The following ACOX2 variants were observed in gnomAD, a reference collection of about 807,000 sequenced individuals.
The protein encoded by ACOX2 is peroxisomal acyl-coenzyme A oxidase 2.
ACOX2 carries 59 observed loss-of-function variants against 77.5 expected under a neutral mutation model. The ratio of observed to expected loss-of-function variants is 0.76; its 90% CI spans 0.62 to 0.95. ACOX2 has a LOEUF of 0.95. Ranked by LOEUF, ACOX2 falls within the 40% of genes least tolerant of loss-of-function variation. The pLI is 0.00. For missense variants in ACOX2, 837 were observed against 880.4 expected (o/e 0.95, Z 0.62); for synonymous variants, 317 against 340.1 (o/e 0.93, Z 0.75).
Position 58,533,957 on chromosome 3 carries a change from C to T in ACOX2, c.475+37G>A. The T allele has an allele frequency of 6.2e-7, 1 of 1,611,508 alleles. No homozygotes were observed. Among genetic ancestry groups the T allele is most frequent in the Non-Finnish European group, 8.5e-7 (1 of 1,178,488 alleles). On this transcript the variant is annotated intron_variant, in intron 4 of 14. Coordinates refer to ENST00000302819, the MANE Select transcript of ACOX2 (RefSeq NM_003500.4). This position sits in a 1 kb window ranked among gnomAD's most constrained non-coding sequence, Gnocchi z 5.6. ...ATGGGCCCTCTGGAGTTTTGCAGTGCACAACCTAAACACCACACGCAGCAG... is the reference window on the plus strand; with the variant it reads ...ATGGGCCCTCTGGAGTTTTGCAGTGTACAACCTAAACACCACACGCAGCAG...
intron 5 of ACOX2, among the ~76,000 whole-genome samples, chr3:58,532,465 A>G (rs1408259497): frequency 6.6e-6 from 1 of 151,520 alleles, no homozygotes; most frequent in African/African-American, 2.4e-5. Flanking sequence ...GGCTCATTGC[A>G]GCCTCTGCCT....
chr3:58,524,693 T>C lies in ACOX2; in HGVS notation c.1347-88A>G, dbSNP rs2063382649. ...TCACTCCCAGAGACAGGCAAGCTCA[T>C]GCTAGGTTCCAGCCTTCCCGTGGGA... On this transcript the variant is annotated intron_variant, in intron 10 of 14. Coordinates refer to ENST00000302819, the MANE Select transcript of ACOX2 (RefSeq NM_003500.4). This position sits in a 1 kb window ranked among gnomAD's most constrained non-coding sequence, Gnocchi z 5.5. 7.1e-7 allele frequency: 1 copy of C among 1,404,176 alleles called. No homozygotes were observed. Among genetic ancestry groups the C allele is most frequent in the African/African-American group, 1.4e-5 (1 of 70,804 alleles). The allele number at this position is 1,404,176 out of a possible 1,614,324, so 87.0% of individuals were successfully genotyped here.
rs1400634979 is a variant in ACOX2, at chr3:58,526,599, C to T, written c.1213G>A (p.Ala405Thr). The change falls in exon 10 of 15, where the codon GCT (alanine) becomes ACT (threonine). Residue 405 changes from alanine (A) to threonine (T), a missense_variant. Ala to Thr is a moderately conservative substitution (Grantham distance 58). Coordinates refer to ENST00000302819, the MANE Select transcript of ACOX2 (RefSeq NM_003500.4). This position sits in a 1 kb window ranked among gnomAD's most constrained non-coding sequence, Gnocchi z 4.3. Reference protein sequence around the residue: ...AMMSEFCTQGAEMCRRACGGH... With the variant: ...AMMSEFCTQGTEMCRRACGGH... ...CCACAGGCCCTGCGGCACATCTCAG[C>T]TCCCTGGGTGCAGAATTCTGACATC... is the stretch of plus-strand genomic sequence containing the variant. The T allele has an allele frequency of 6.2e-7, 1 of 1,614,218 alleles. No individual in the cohort carries two copies. Among genetic ancestry groups the T allele is most frequent in the East Asian group, 2.2e-5 (1 of 44,882 alleles).
At chr3:58,509,882 A>G (rs1323390627) in intron 13 of ACOX2, among the ~76,000 whole-genome samples, 1 of 152,100 alleles carries the variant, frequency 6.6e-6, no homozygotes, top group East Asian at 1.9e-4. Context: ...CTGAGATTAC[A>G]AGCATGAGCC....
Position 58,508,914 on chromosome 3 carries a change from C to T in ACOX2, c.1962G>A (p.Gln654=), listed in dbSNP as rs760077878. 2.5e-6 allele frequency: 4 copies of T among 1,614,084 alleles called. No individual in the cohort carries two copies. The highest frequency in any genetic ancestry group is 1.3e-5 in the African/African-American group (1 of 74,934). Residue 654 remains glutamine, a synonymous_variant, in exon 14 of 15, where the codon CAG becomes CAA. Transcript: ENST00000302819. ...CTACCTGAGTATTGGTTGGTGACTT[C>T]TGAGCCCACTGGAACAGGCGTTCGT... is the stretch of plus-strand genomic sequence containing the variant. ...NVYERLFQWA[Q]KSPTNTQENP...
rs1040860102 is a variant in ACOX2 at position 58,534,302 on chromosome 3, G to C, written c.323+58C>G. On this transcript the variant is annotated intron_variant, in intron 3 of 14. Transcript: ENST00000302819. This position sits in a 1 kb window ranked among gnomAD's most constrained non-coding sequence, Gnocchi z 4.8. ...GGGAAATGGCTCATGGGGCTAGGGG[G>C]TTTCCAGGTGATCCCAGGTAGATCC... is the stretch of plus-strand genomic sequence containing the variant. The C allele has an allele frequency of 1.9e-6, 3 of 1,603,202 alleles. No homozygotes were observed. The highest frequency in any genetic ancestry group is 8.5e-7 in the Non-Finnish European group (1 of 1,174,716).
In ACOX2 at chr3:58,524,248, G is replaced by C. The variant is rs2063378637; in HGVS notation, c.1526+178C>G. ...GAAGTGACGGGGGTCCATGGCTGAT[G>C]GGGGGGACATCCCCTCTCTCTGCCC... On this transcript the variant is annotated intron_variant, in intron 11 of 14. Coordinates refer to ENST00000302819, the MANE Select transcript of ACOX2 (RefSeq NM_003500.4). The surrounding 1 kb of genome is among the most constrained non-coding windows in gnomAD (Gnocchi z 5.5). Among the ~76,000 whole-genome samples, 3 of 152,198 alleles carry C rather than the reference G, an allele frequency of 2.0e-5. No homozygotes were observed. The highest frequency in any genetic ancestry group is 7.2e-5 in the African/African-American group (3 of 41,450).
chr3:58,517,421 C>A lies in ACOX2; in HGVS notation c.1635G>T (p.Val545=), dbSNP rs754110680. The A allele has an allele frequency of 3.3e-5, 53 of 1,613,392 alleles. No individual in the cohort carries two copies. Among genetic ancestry groups the A allele is most frequent in the Non-Finnish European group, 4.4e-5 (52 of 1,179,490 alleles). Residue 545 remains valine (V), a splice_region_variant and synonymous_variant, in exon 13 of 15, where the codon GTG becomes GTT. Transcript: ENST00000302819. ...CCTTCACAGTGACATAGTAGCAGTG[C>A]ACCTACAAAGACACAAAGATATGTT... ...TTVIHLQAAK[V]HCYYVTVKGF...
chr3:58,529,108 A>G, intron 8 of ACOX2, 152 bp from the exon 9 acceptor site: 1 of 709,000 alleles, frequency 1.4e-6, no homozygotes, highest in Non-Finnish European at 2.1e-6. Context: ...TCCTTTAAAA[A>G]TCCCATCTAA....
intron 5 of ACOX2, among the ~76,000 whole-genome samples, chr3:58,532,634 C>T (rs1366628108): frequency 6.6e-6 from 1 of 152,106 alleles, no homozygotes; most frequent in East Asian, 1.9e-4. Flanking sequence ...ATCCACTCAC[C>T]TCGGCATCCC....
intron 14 of ACOX2, among the ~76,000 whole-genome samples, chr3:58,508,230 T>A (rs2063248640): frequency 6.6e-6 from 1 of 152,228 alleles, no homozygotes; most frequent in Non-Finnish European, 1.5e-5. Flanking sequence ...TGGGACCTTA[T>A]GAGTCCTCCC....
chr3:58,514,647 A>G lies in ACOX2; in HGVS notation c.1850+2559T>C, dbSNP rs1435921377. Among the ~76,000 whole-genome samples the G allele has an allele frequency of 1.3e-5, 2 of 152,180 alleles. No homozygotes were observed. Among genetic ancestry groups the G allele is most frequent in the Admixed American group, 6.5e-5 (1 of 15,286 alleles). On this transcript the variant is annotated intron_variant, in intron 13 of 14. Coordinates refer to ENST00000302819, the MANE Select transcript of ACOX2 (RefSeq NM_003500.4). This position sits in a 1 kb window ranked among gnomAD's most constrained non-coding sequence, Gnocchi z 4.3. ...TAGGAACCATCATGGAAGTAAATCAATTTCTGGGTTTGACGCATGAGTAAG... is the reference window on the plus strand; with the variant it reads ...TAGGAACCATCATGGAAGTAAATCAGTTTCTGGGTTTGACGCATGAGTAAG...
At chr3:58,506,800 TAATA>T (rs1259636272) in intron 14 of ACOX2, among the ~76,000 whole-genome samples, 1 of 152,134 alleles carries the variant, frequency 6.6e-6, no homozygotes, top group African/African-American at 2.4e-5. Context: ...TCAAAAATAA[TAATA>T]AATAAAAATA....
chr3:58,534,148 G>A lies in ACOX2; in HGVS notation c.324-3C>T, dbSNP rs1577002697. 1.2e-6 allele frequency: 2 copies of A among 1,614,070 alleles called. No homozygotes were observed. The highest frequency in any genetic ancestry group is 1.1e-5 in the South Asian group (1 of 91,070). On this transcript the variant is annotated splice_region_variant and splice_polypyrimidine_tract_variant and intron_variant, in intron 3 of 14. Transcript: ENST00000302819. This position sits in a 1 kb window ranked among gnomAD's most constrained non-coding sequence, Gnocchi z 4.8. ...AGGCCACGTCTCCAGAAAGGGCTCT[G>A]TTGGGGAGAGATGCTGTAGTTGAGT... is the stretch of plus-strand genomic sequence containing the variant.
rs768013113 is a variant in ACOX2, at chr3:58,522,136, G to A, written c.1632+360C>T. Among the ~76,000 whole-genome samples, 2 of 152,204 alleles carry A rather than the reference G, an allele frequency of 1.3e-5. No individual in the cohort carries two copies. Among genetic ancestry groups the A allele is most frequent in the Non-Finnish European group, 2.9e-5 (2 of 68,032 alleles). On this transcript the variant is annotated intron_variant, in intron 12 of 14. Coordinates refer to ENST00000302819, the MANE Select transcript of ACOX2 (RefSeq NM_003500.4). The surrounding 1 kb of genome is among the most constrained non-coding windows in gnomAD (Gnocchi z 4.3). ...GTGGGTGCTCAAATATTTGCCGACCGACTGTGAATTATGCAGAAACACAAA... is the reference window on the plus strand; with the variant it reads ...GTGGGTGCTCAAATATTTGCCGACCAACTGTGAATTATGCAGAAACACAAA...
chr3:58,507,863 G>T (rs1020238934), intron 14 of ACOX2, among the ~76,000 whole-genome samples: 1 of 152,170 alleles, frequency 6.6e-6, no homozygotes, highest in Non-Finnish European at 1.5e-5. Flanking sequence ...GGTATGACAG[G>T]CTGCAAATTG....
Position 58,524,230 on chromosome 3 carries a change from C to T in ACOX2, c.1526+196G>A, listed in dbSNP as rs1048082126. On this transcript the variant is annotated intron_variant, in intron 11 of 14. Coordinates refer to ENST00000302819, the MANE Select transcript of ACOX2 (RefSeq NM_003500.4). This position sits in a 1 kb window ranked among gnomAD's most constrained non-coding sequence, Gnocchi z 5.5. ...TACTGTGACCAGGATGGGGAAGTGA[C>T]GGGGGTCCATGGCTGATGGGGGGGA... 4.6e-5 allele frequency among the ~76,000 whole-genome samples: 7 copies of T among 152,114 alleles called. No individual in the cohort carries two copies. Among genetic ancestry groups the T allele is most frequent in the African/African-American group, 7.2e-5 (3 of 41,418 alleles).
rs1482783914 is a variant in ACOX2 at position 58,535,318 on chromosome 3, T to C, written c.-91-121A>G. 1.1e-4 allele frequency: 65 copies of C among 608,836 alleles called. No individual in the cohort carries two copies. In the East Asian group the frequency reaches 1.8e-3, roughly 17 times the overall value. The allele number at this position is 608,836 out of a possible 1,614,324, so 37.7% of individuals were successfully genotyped here. On this transcript the variant is annotated intron_variant, in intron 1 of 14. Coordinates refer to ENST00000302819, the MANE Select transcript of ACOX2 (RefSeq NM_003500.4). The surrounding 1 kb of genome is among the most constrained non-coding windows in gnomAD (Gnocchi z 4.8). ...CCACTCCCCCTGTGGACACTGGCTG[T>C]GGACCAGGCACTGTGTGCATGGTAG...
rs1177840761 is a variant in ACOX2 at position 58,524,166 on chromosome 3, A to G, written c.1526+260T>C. ...ATCACCATAGGACCCTAGAGATTTT[A>G]AAAATATCTCACTGGCCAGAGGTGT... On this transcript the variant is annotated intron_variant, in intron 11 of 14. Coordinates refer to ENST00000302819, the MANE Select transcript of ACOX2 (RefSeq NM_003500.4). This position sits in a 1 kb window ranked among gnomAD's most constrained non-coding sequence, Gnocchi z 5.5. 6.6e-6 allele frequency among the ~76,000 whole-genome samples: 1 copy of G among 152,208 alleles called. No homozygotes were observed. Among genetic ancestry groups the G allele is most frequent in the East Asian group, 1.9e-4 (1 of 5,200 alleles).
Sources: gnomAD v4.1 joint callset for allele counts (sites outside exome capture counted in the v4.1 genomes callset) on GRCh38, gnomAD v4.1.1 for gene constraint, Gnocchi (gnomAD v3.1) non-coding constraint, MANE v1.5 for transcripts, NCBI Gene and HGNC (gene_info 2026-07-23, HGNC 2026-07-21) for gene names.